The following ANKRD6 variants were observed in gnomAD, a reference collection of about 807,000 sequenced individuals.
ANKRD6 encodes ankyrin repeat domain 6.
Under a neutral mutation model 82.3 loss-of-function variants are expected in ANKRD6, and 56 were observed. The ratio of observed to expected loss-of-function variants is 0.68; its 90% CI spans 0.55 to 0.85. The LOEUF (loss-of-function observed/expected upper bound fraction) is 0.85, where lower values mean the gene tolerates loss of function less well. ANKRD6 is among the 40% of genes least tolerant of loss of function. ANKRD6 has a pLI of 0.00. For missense variants in ANKRD6, 852 were observed against 907.6 expected, an observed-to-expected ratio of 0.94 and a Z score of 0.79; for synonymous variants, 347 against 352.1, an observed-to-expected ratio of 0.99 and a Z score of 0.16.
rs781080269 is a variant in ANKRD6, at chr6:89,630,841, C to CTGTT, written c.2023_2026dup (p.Ser676CysfsTer10). 1 of 1,613,862 alleles carries CTGTT rather than the reference C, an allele frequency of 6.2e-7. No homozygotes were observed. Among genetic ancestry groups the CTGTT allele is most frequent in the Admixed American group, 1.7e-5 (1 of 60,010 alleles). On this transcript the variant is annotated frameshift_variant, in exon 16 of 16. Coordinates refer to ENST00000339746, the MANE Select transcript of ANKRD6 (RefSeq NM_001242809.2). LOFTEE classifies it high-confidence loss of function. ...GAGCTTACCCAGTATTTTTTTGAGG[C>CTGTT]TGTTTCTACCCAGATGGAAAAGTGG...
At chr6:89,485,280 T>C (rs1197650638) in intron 1 of ANKRD6, among the ~76,000 whole-genome samples, 1 of 152,232 alleles carries the variant, frequency 6.6e-6, no homozygotes, top group Non-Finnish European at 1.5e-5. Flanking sequence ...CATTTAGCAT[T>C]GAACGCTATG....
Position 89,630,493 on chromosome 6 carries a change from TG to T in ANKRD6, c.1675del (p.Val559LeufsTer30). The T allele has an allele frequency of 4.3e-6, 7 of 1,614,022 alleles. No homozygotes were observed. Among genetic ancestry groups the T allele is most frequent in the Non-Finnish European group, 5.9e-6 (7 of 1,179,890 alleles). The part of the protein sequence containing the change: ...PAAASDSSPP[V>X]VRPKEKALNS... ...GCAGCTTCCGACAGCTCCCCTCCAG[TG>T]GTTAGGCCCAAAGAGAAGGCCCTCA... On this transcript the variant is annotated frameshift_variant, in exon 16 of 16. Coordinates refer to ENST00000339746, the MANE Select transcript of ANKRD6 (RefSeq NM_001242809.2). LOFTEE classifies it high-confidence loss of function.
intron 15 of ANKRD6, among the ~76,000 whole-genome samples, chr6:89,630,136 G>T (rs1319095271): frequency 6.6e-6 from 1 of 152,212 alleles, no homozygotes; most frequent in Non-Finnish European, 1.5e-5. Context: ...GCCTTCTCAG[G>T]TAGATTGAGG....
chr6:89,483,054 C>A (rs1395490111), intron 1 of ANKRD6, among the ~76,000 whole-genome samples: 1 of 152,200 alleles, frequency 6.6e-6, no homozygotes, highest in Non-Finnish European at 1.5e-5. Context: ...ATGTAACATG[C>A]TTCTCTGAAA....
intron 1 of ANKRD6, among the ~76,000 whole-genome samples, chr6:89,438,114 A>C (rs919885475): frequency 7.2e-5 from 11 of 152,198 alleles, no homozygotes; most frequent in Admixed American, 5.2e-4. Flanking sequence ...TTATCTTAGA[A>C]ATACTTCAAT....
chr6:89,445,408 T>C (rs544679683), intron 1 of ANKRD6, among the ~76,000 whole-genome samples: 1 of 151,468 alleles, frequency 6.6e-6, no homozygotes, highest in Non-Finnish European at 1.5e-5. Context: ...GTAGCTGGGA[T>C]TACAGGCACG....
chr6:89,622,099 G>C, intron 10 of ANKRD6, 73 bp downstream of exon 10: 1 of 1,432,738 alleles, frequency 7.0e-7, no homozygotes, highest in Non-Finnish European at 9.6e-7. Flanking sequence ...CCCTGCTTCG[G>C]CCAGGTTCAC....
intron 1 of ANKRD6, among the ~76,000 whole-genome samples, chr6:89,451,120 C>A (rs1020675184): frequency 3.3e-5 from 5 of 152,058 alleles, no homozygotes; most frequent in Admixed American, 6.6e-5. Context: ...GCAACCTGGG[C>A]AACATGGTGA....
At chr6:89,586,282 G>T (rs1050372540) in intron 2 of ANKRD6, among the ~76,000 whole-genome samples, 1 of 152,146 alleles carries the variant, frequency 6.6e-6, no homozygotes, top group African/African-American at 2.4e-5. Context: ...AGTGATTCTT[G>T]TTTTCTGGTT....
chr6:89,490,814 G>A (rs1372273012), intron 1 of ANKRD6, among the ~76,000 whole-genome samples: 1 of 152,146 alleles, frequency 6.6e-6, no homozygotes, highest in Non-Finnish European at 1.5e-5. Context: ...CGCTTGGCCT[G>A]TGTAGTGGGT....
chr6:89,582,880 G>A (rs963442328), intron 2 of ANKRD6, among the ~76,000 whole-genome samples: 3 of 152,194 alleles, frequency 2.0e-5, no homozygotes, highest in Non-Finnish European at 2.9e-5. Flanking sequence ...CATGCAAAGT[G>A]CTTAGAACAG....
At chr6:89,498,216 T>C (rs1046891047) in intron 1 of ANKRD6, among the ~76,000 whole-genome samples, 2 of 152,216 alleles carry the variant, frequency 1.3e-5, no homozygotes, top group Non-Finnish European at 2.9e-5. Context: ...CTTCTTTGGG[T>C]TATTTTGAAG....
chr6:89,493,207 C>T (rs1251723625), intron 1 of ANKRD6, among the ~76,000 whole-genome samples: 2 of 152,110 alleles, frequency 1.3e-5, no homozygotes, highest in Non-Finnish European at 2.9e-5. Context: ...GGCCAGAAGT[C>T]CAAAAATCAA....
At chr6:89,483,086 C>A (rs1161316845) in intron 1 of ANKRD6, among the ~76,000 whole-genome samples, 1 of 152,152 alleles carries the variant, frequency 6.6e-6, no homozygotes, top group Non-Finnish European at 1.5e-5. Context: ...TTCCTTTGGG[C>A]TCATTCTTTC....
intron 1 of ANKRD6, among the ~76,000 whole-genome samples, chr6:89,512,567 G>T (rs573971937): frequency 2.0e-5 from 3 of 152,308 alleles, no homozygotes; most frequent in African/African-American, 7.2e-5. Context: ...TGGGGCTGTG[G>T]CCAGGGTGGG....
chr6:89,567,225 TG>T (rs1788723152), intron 2 of ANKRD6, 129 bp downstream of exon 2: 1 of 1,310,372 alleles, frequency 7.6e-7, no homozygotes, highest in Admixed American at 2.7e-5. Flanking sequence ...GATGGAGGTT[TG>T]GGGAGAAGGA....
At chr6:89,628,014 T>C (rs1583992514) in intron 14 of ANKRD6, among the ~76,000 whole-genome samples, 1 of 152,198 alleles carries the variant, frequency 6.6e-6, no homozygotes, top group Non-Finnish European at 1.5e-5. Flanking sequence ...GTTTCTACCC[T>C]CAGGGAGTTT....
intron 1 of ANKRD6, among the ~76,000 whole-genome samples, chr6:89,511,973 C>T (rs760028050): frequency 6.6e-6 from 1 of 151,934 alleles, no homozygotes; most frequent in Admixed American, 6.6e-5. Flanking sequence ...GAGACAAGGT[C>T]TCACTCTGTT....
At chr6:89,528,865 A>G (rs1231538074) in intron 1 of ANKRD6, among the ~76,000 whole-genome samples, 1 of 152,246 alleles carries the variant, frequency 6.6e-6, no homozygotes, top group Non-Finnish European at 1.5e-5. Context: ...ATCCGTGAGC[A>G]GTAATATTTG....
Sources: allele counts gnomAD v4.1 joint callset (sites outside exome capture counted in the v4.1 genomes callset), GRCh38; gene constraint gnomAD v4.1.1; transcripts MANE v1.5; gene names NCBI Gene and HGNC (gene_info 2026-07-23, HGNC 2026-07-21).